The following ADGRL4 variants were observed in gnomAD, a reference collection of about 807,000 sequenced individuals.
ADGRL4 encodes the protein EGF, latrophilin and seven transmembrane domain containing 1.
Under a neutral mutation model 74.8 loss-of-function variants are expected in ADGRL4, and 90 were observed. The ratio of observed to expected loss-of-function variants is 1.20; its 90% CI spans 1.02 to 1.43. ADGRL4 has a LOEUF of 1.43. ADGRL4 is among the 40% of genes most tolerant of loss of function. ADGRL4 has a pLI of 0.00. For missense variants in ADGRL4, 881 were observed against 814.3 expected (o/e 1.08, Z -1.00); for synonymous variants, 311 against 279.2 (o/e 1.11, Z -1.14).
At chr1:78,980,745 C>T (rs552244998) in intron 2 of ADGRL4, among the ~76,000 whole-genome samples, 1 of 152,048 alleles carries the variant, frequency 6.6e-6, no homozygotes, top group South Asian at 2.1e-4. Flanking sequence ...GTTCATCTCT[C>T]ATGTTTAAAT....
At chr1:78,980,402 CAAAAT>C (rs1557519628) in intron 2 of ADGRL4, among the ~76,000 whole-genome samples, 1 of 151,460 alleles carries the variant, frequency 6.6e-6, no homozygotes, top group African/African-American at 2.4e-5. Context: ...TTAGTAAAAA[CAAAAT>C]AAAAAAAACT....
intron 2 of ADGRL4, 103 bp downstream of exon 2, chr1:79,004,967 A>G: frequency 9.9e-7 from 1 of 1,013,538 alleles, no homozygotes; most frequent in Non-Finnish European, 1.4e-6. Flanking sequence ...ATGAAATTAA[A>G]CAGTATAACA....
Position 78,924,014 on chromosome 1 carries a change from A to G in ADGRL4, c.1084-2228T>C, listed in dbSNP as rs1649058889. 1.3e-5 allele frequency among the ~76,000 whole-genome samples: 2 copies of G among 151,956 alleles called. 1 individual carries two copies. Among genetic ancestry groups the G allele is most frequent in the South Asian group, 4.1e-4 (2 of 4,838 alleles). ...CAATTAATGAAGGAAGATTCACACC[A>G]AAGTACATCTTAAAGATTTTGGAAT... On this transcript the variant is annotated intron_variant, in intron 8 of 14. Coordinates refer to ENST00000370742, the MANE Select transcript of ADGRL4 (RefSeq NM_022159.4).
At chr1:78,923,554 C>T (rs565210654) in intron 8 of ADGRL4, among the ~76,000 whole-genome samples, 1 of 151,654 alleles carries the variant, frequency 6.6e-6, no homozygotes, top group Non-Finnish European at 1.5e-5. Flanking sequence ...AGGACAAGCT[C>T]CAACAGCAAA....
chr1:78,932,316 G>C (rs1649259134), intron 7 of ADGRL4, among the ~76,000 whole-genome samples: 2 of 151,532 alleles, frequency 1.3e-5, no homozygotes, highest in African/African-American at 4.9e-5. Context: ...ACCTGCTCCT[G>C]AATGAATCCT....
At chr1:78,989,593 T>C (rs1012541614) in intron 2 of ADGRL4, among the ~76,000 whole-genome samples, 1 of 151,614 alleles carries the variant, frequency 6.6e-6, no homozygotes, top group African/African-American at 2.4e-5. Context: ...CCGTTATGTG[T>C]TGTAGTTTGT....
intron 10 of ADGRL4, among the ~76,000 whole-genome samples, chr1:78,919,780 A>T (rs957364516): frequency 1.3e-5 from 2 of 151,972 alleles, no homozygotes; most frequent in Admixed American, 6.6e-5. Flanking sequence ...ATACTAGGTA[A>T]AACCAATTTA....
chr1:78,953,619 A>T (rs1459117427), intron 2 of ADGRL4, among the ~76,000 whole-genome samples: 1 of 152,232 alleles, frequency 6.6e-6, no homozygotes, highest in African/African-American at 2.4e-5. Flanking sequence ...CAGAGAGTAG[A>T]TCAATCATGC....
At chr1:78,995,457 G>T (rs1018289891) in intron 2 of ADGRL4, among the ~76,000 whole-genome samples, 2 of 152,222 alleles carry the variant, frequency 1.3e-5, no homozygotes, top group African/African-American at 4.8e-5. Flanking sequence ...ATCATGGTGT[G>T]CCAGGTCATA....
At chr1:78,893,988 C>A (rs1648342988) in intron 12 of ADGRL4, among the ~76,000 whole-genome samples, 1 of 151,676 alleles carries the variant, frequency 6.6e-6, no homozygotes, top group Non-Finnish European at 1.5e-5. Flanking sequence ...TATAGATAGT[C>A]TAATATGAGC....
chr1:78,944,313 A>G (rs1428003488), intron 3 of ADGRL4, among the ~76,000 whole-genome samples: 2 of 152,218 alleles, frequency 1.3e-5, no homozygotes, highest in African/African-American at 4.8e-5. Context: ...CACTAACTGG[A>G]ACATTTCCAC....
At chr1:78,896,342 A>G (rs1445977886) in intron 12 of ADGRL4, among the ~76,000 whole-genome samples, 1 of 152,024 alleles carries the variant, frequency 6.6e-6, no homozygotes, top group East Asian at 1.9e-4. Context: ...CTAATCTTAC[A>G]TGTCTGTTTT....
intron 2 of ADGRL4, among the ~76,000 whole-genome samples, chr1:78,995,896 A>G (rs917530272): frequency 6.6e-6 from 1 of 152,226 alleles, no homozygotes; most frequent in African/African-American, 2.4e-5. Context: ...ATTTATTATT[A>G]GAGAATCTAG....
chr1:78,992,235 C>T (rs1236385263), intron 2 of ADGRL4, among the ~76,000 whole-genome samples: 4 of 151,994 alleles, frequency 2.6e-5, no homozygotes, highest in Non-Finnish European at 5.9e-5. Context: ...GAACAGTTAA[C>T]ATTCTGTCTT....
At chr1:78,968,547 C>T (rs1650104376) in intron 2 of ADGRL4, among the ~76,000 whole-genome samples, 1 of 150,992 alleles carries the variant, frequency 6.6e-6, no homozygotes, top group Non-Finnish European at 1.5e-5. Flanking sequence ...AGTTCAATTA[C>T]CCTCTAGTGG....
At position 78,956,876 on chromosome 1, in the gene ADGRL4, A is replaced by G. The variant is rs377632855; in HGVS notation, c.173-10450T>C. ...TAAGCCTCACTTTATTGTACTTTGC[A>G]GAAATTGCAATTTTATGGTTTGTTT... On this transcript the variant is annotated intron_variant, in intron 2 of 14. Coordinates refer to ENST00000370742, the MANE Select transcript of ADGRL4 (RefSeq NM_022159.4). Among the ~76,000 whole-genome samples the G allele has an allele frequency of 2.2e-3, 336 of 152,260 alleles. 2 individuals carry two copies. Among genetic ancestry groups the G allele is most frequent in the African/African-American group, 7.7e-3 (320 of 41,568 alleles).
At chr1:78,994,344 T>C (rs1207417966) in intron 2 of ADGRL4, among the ~76,000 whole-genome samples, 1 of 152,180 alleles carries the variant, frequency 6.6e-6, no homozygotes, top group Non-Finnish European at 1.5e-5. Flanking sequence ...CAGATCTAAG[T>C]GCTTGATTCT....
At chr1:78,947,596 A>T (rs1023455637) in intron 2 of ADGRL4, among the ~76,000 whole-genome samples, 4 of 152,170 alleles carry the variant, frequency 2.6e-5, no homozygotes, top group South Asian at 2.1e-4. Context: ...ATTTGGTCAT[A>T]TTTTTTTATG....
At chr1:78,979,592 C>T (rs913069511) in intron 2 of ADGRL4, among the ~76,000 whole-genome samples, 5 of 151,814 alleles carry the variant, frequency 3.3e-5, no homozygotes, top group Middle Eastern at 6.3e-3. Context: ...AAAAGACACA[C>T]GCACACACAT....
Sources: gnomAD v4.1 joint callset for allele counts (sites outside exome capture counted in the v4.1 genomes callset) on GRCh38, gnomAD v4.1.1 for gene constraint, MANE v1.5 for transcripts, NCBI Gene and HGNC (gene_info 2026-07-23, HGNC 2026-07-21) for gene names.